Variants in TNS3 observed in about 807,000 individuals in gnomAD.
The protein encoded by TNS3 is tensin-3.
Under a neutral mutation model 140.9 loss-of-function variants are expected in TNS3, and 45 were observed. The ratio of observed to expected loss-of-function variants is 0.32; its 90% CI spans 0.25 to 0.41. The LOEUF (loss-of-function observed/expected upper bound fraction) is 0.41, where lower values mean the gene tolerates loss of function less well. Ranked by LOEUF, TNS3 falls within the 10% of genes least tolerant of loss-of-function variation. The pLI, the probability that TNS3 is intolerant of heterozygous loss-of-function variation, is 1.00. For synonymous variants in TNS3, 815 were observed against 788.4 expected, an observed-to-expected ratio of 1.03 and a Z score of -0.56; for missense variants, 1,716 against 1,906.7, an observed-to-expected ratio of 0.90 and a Z score of 1.86.
chr7:47,492,206 T>C (rs970093816), intron 3 of TNS3, among the ~76,000 whole-genome samples: 1 of 152,202 alleles, frequency 6.6e-6, no homozygotes, highest in African/African-American at 2.4e-5. Context: ...ACTGGCTTTC[T>C]GTCATGGCTC....
chr7:47,383,795 C>G (rs1791913314), intron 16 of TNS3, among the ~76,000 whole-genome samples: 1 of 152,098 alleles, frequency 6.6e-6, no homozygotes, highest in Non-Finnish European at 1.5e-5. Flanking sequence ...GCACTGGTCA[C>G]CGGAATGAAA....
chr7:47,533,135 T>A (rs1336766126), intron 1 of TNS3, among the ~76,000 whole-genome samples: 23 of 81,784 alleles, frequency 2.8e-4, no homozygotes, highest in East Asian at 2.4e-3. Context: ...TTTTTTTTTT[T>A]TTTTTTTTTT....
intron 2 of TNS3, among the ~76,000 whole-genome samples, chr7:47,525,805 C>A (rs1024290493): frequency 1.3e-5 from 2 of 152,360 alleles, no homozygotes; most frequent in Admixed American, 6.5e-5. Context: ...TGCACCCACA[C>A]ACTCAGGCAC....
At chr7:47,518,124 C>T (rs1036609321) in intron 2 of TNS3, among the ~76,000 whole-genome samples, 1 of 152,194 alleles carries the variant, frequency 6.6e-6, no homozygotes, top group African/African-American at 2.4e-5. Flanking sequence ...CTTGGCTGCA[C>T]CCAGCCTGCC....
chr7:47,448,700 G>A (rs1274189269), intron 4 of TNS3, among the ~76,000 whole-genome samples: 2 of 152,088 alleles, frequency 1.3e-5, no homozygotes, highest in Non-Finnish European at 2.9e-5. Context: ...GGCTGCTCTC[G>A]AACTCCTGAC....
intron 20 of TNS3, among the ~76,000 whole-genome samples, chr7:47,306,545 G>C (rs1361459863): frequency 6.6e-6 from 1 of 151,994 alleles, no homozygotes; most frequent in Non-Finnish European, 1.5e-5. Context: ...TTTTTATTTA[G>C]CACGAATTCT....
intron 1 of TNS3, among the ~76,000 whole-genome samples, chr7:47,574,333 T>G (rs1800623234): frequency 6.6e-6 from 1 of 152,058 alleles, no homozygotes; most frequent in Non-Finnish European, 1.5e-5. Flanking sequence ...TGGTAAGAAG[T>G]CTCCCTCTTC....
chr7:47,514,351 G>A (rs75848305), intron 2 of TNS3, among the ~76,000 whole-genome samples: 4,277 of 152,220 alleles, frequency 0.028, 85 homozygotes, highest in Middle Eastern at 0.044. Context: ...CACACCTACC[G>A]ACCTGCCCGT....
chr7:47,565,081 TA>T (rs201706048), intron 1 of TNS3, among the ~76,000 whole-genome samples: 4,924 of 149,682 alleles, frequency 0.033, 120 homozygotes, highest in Non-Finnish European at 0.045. Context: ...TTTTTATTTC[TA>T]TTTTTTTTTT....
intron 1 of TNS3, among the ~76,000 whole-genome samples, chr7:47,530,113 C>A (rs1799337797): frequency 6.6e-6 from 1 of 152,158 alleles, no homozygotes; most frequent in Non-Finnish European, 1.5e-5. Flanking sequence ...AAGGTCATAA[C>A]AGCTTTATAT....
At chr7:47,422,296 G>C (rs1241842376) in intron 10 of TNS3, among the ~76,000 whole-genome samples, 1 of 152,170 alleles carries the variant, frequency 6.6e-6, no homozygotes, top group East Asian at 1.9e-4. Flanking sequence ...TGACGGGAAG[G>C]ATGCATGAAA....
intron 26 of TNS3, among the ~76,000 whole-genome samples, chr7:47,292,242 A>G (rs1785748484): frequency 6.6e-6 from 1 of 152,220 alleles, no homozygotes; most frequent in Non-Finnish European, 1.5e-5. Context: ...GCCTAACAAA[A>G]TATTTTTCTA....
chr7:47,452,844 G>T, intron 4 of TNS3: 1 of 846,598 alleles, frequency 1.2e-6, no homozygotes, highest in African/African-American at 1.8e-5. Context: ...AGCCAGTACC[G>T]GAGGCCACAG....
chr7:47,307,722 C>CT (rs1470248874), intron 20 of TNS3, among the ~76,000 whole-genome samples: 2 of 152,112 alleles, frequency 1.3e-5, no homozygotes, highest in Non-Finnish European at 2.9e-5. Flanking sequence ...TTTTTGTATG[C>CT]TTATTAATAG....
chr7:47,565,832 G>A (rs1221890889), intron 1 of TNS3, among the ~76,000 whole-genome samples: 1 of 152,134 alleles, frequency 6.6e-6, no homozygotes, highest in Non-Finnish European at 1.5e-5. Context: ...TTCACATTGG[G>A]GGTTCAGGGA....
intron 4 of TNS3, among the ~76,000 whole-genome samples, chr7:47,472,310 G>T (rs1430057364): frequency 6.6e-6 from 1 of 152,194 alleles, no homozygotes; most frequent in African/African-American, 2.4e-5. Flanking sequence ...CCCTACAGAT[G>T]GTTCTCTGGG....
intron 4 of TNS3, among the ~76,000 whole-genome samples, chr7:47,451,237 C>T (rs1305036782): frequency 6.6e-6 from 1 of 152,176 alleles, no homozygotes; most frequent in African/African-American, 2.4e-5. Flanking sequence ...TGCGCTGCTC[C>T]TAGCAGCCTG....
At chr7:47,460,305 C>A (rs955118562) in intron 4 of TNS3, among the ~76,000 whole-genome samples, 5 of 151,864 alleles carry the variant, frequency 3.3e-5, no homozygotes, top group Non-Finnish European at 4.4e-5. Context: ...AGAAAACGGC[C>A]ACCTACAAGC....
At chr7:47,513,407 G>A (rs976864652) in intron 2 of TNS3, among the ~76,000 whole-genome samples, 7 of 152,098 alleles carry the variant, frequency 4.6e-5, no homozygotes, top group African/African-American at 1.2e-4. Flanking sequence ...GGTTTCGATC[G>A]ATTCTCCCGC....
Sources: allele counts gnomAD v4.1 joint callset (sites outside exome capture counted in the v4.1 genomes callset), GRCh38; gene constraint gnomAD v4.1.1; transcripts MANE v1.5; gene names NCBI Gene and HGNC (gene_info 2026-07-23, HGNC 2026-07-21).